Variants in SLC44A2 observed in about 807,000 individuals in gnomAD.
SLC44A2 encodes choline transporter-like protein 2.
In SLC44A2, 57 loss-of-function variants were observed where a neutral mutation model predicts 90.8. The ratio of observed to expected loss-of-function variants is 0.63; its 90% CI spans 0.51 to 0.78. The LOEUF (loss-of-function observed/expected upper bound fraction) is 0.78. Among genes scored for constraint, SLC44A2 ranks in the 30% least tolerant of loss-of-function variants. The pLI is 0.00. For missense variants in SLC44A2, 794 were observed against 919.7 expected (o/e 0.86, Z 1.77); for synonymous variants, 355 against 360.7 (o/e 0.98, Z 0.18).
chr19:10,640,586 C>T (rs936538247), intron 20 of SLC44A2, among the ~76,000 whole-genome samples: 3 of 152,080 alleles, frequency 2.0e-5, no homozygotes, highest in African/African-American at 7.2e-5. Context: ...GCCACCACGC[C>T]CAGCCAGGTC....
chr19:10,610,956 C>G (rs1003320784), intron 1 of SLC44A2, among the ~76,000 whole-genome samples: 1 of 151,500 alleles, frequency 6.6e-6, no homozygotes, highest in Admixed American at 6.6e-5. Context: ...TTTCTTTTGC[C>G]ATTTCCCAAT....
chr19:10,631,630 C>T lies in SLC44A2; in HGVS notation c.507C>T (p.Ala169=), dbSNP rs1205629077. The change falls in exon 8 of 22, where the codon GCC becomes GCT. Residue 169 remains alanine, a synonymous_variant. Transcript: ENST00000335757. ...GCCATCCTCTGCTCCATGCAGTGGC[C>T]CGGAGATGCTTCCCCGCTATCCACG... The part of the protein sequence containing the change: ...PAVLIPSKPL[A]RRCFPAIHAY... 1 of 1,613,866 alleles carries T rather than the reference C, an allele frequency of 6.2e-7. No individual in the cohort carries two copies. Among genetic ancestry groups the T allele is most frequent in the East Asian group, 2.2e-5 (1 of 44,872 alleles).
In SLC44A2 at chr19:10,631,902, G is replaced by A. The variant is rs766553222; in HGVS notation, c.661G>A (p.Ala221Thr). 8 of 1,614,092 alleles carry A rather than the reference G, an allele frequency of 5.0e-6. No individual in the cohort carries two copies. The highest frequency in any genetic ancestry group is 2.2e-5 in the East Asian group (1 of 44,894). Residue 221 changes from alanine to threonine, a missense_variant, in exon 9 of 22, where the codon GCC (alanine) becomes ACC (threonine). Physicochemically the swap from Ala to Thr is moderately conservative, Grantham distance 58. Coordinates refer to ENST00000335757, the MANE Select transcript of SLC44A2 (RefSeq NM_020428.4). ...ANGVLEARQL[A>T]MRIFEDYTVS... ...TGGAGTCCTAGAGGCGCGGCAACTC[G>A]CCATGCGCATATTTGAAGATTACAC... is the stretch of plus-strand genomic sequence containing the variant.
chr19:10,628,902 A>G (rs549224699), intron 4 of SLC44A2, among the ~76,000 whole-genome samples: 1 of 152,184 alleles, frequency 6.6e-6, no homozygotes, highest in South Asian at 2.1e-4. Flanking sequence ...AGATGTGCCA[A>G]TACATGTACA....
At chr19:10,610,202 GAA>G (rs1006333734) in intron 1 of SLC44A2, among the ~76,000 whole-genome samples, 1 of 148,306 alleles carries the variant, frequency 6.7e-6, no homozygotes, top group Non-Finnish European at 1.5e-5. Flanking sequence ...TGTGAAAAAA[GAA>G]AAAAAAATAT....
In SLC44A2 at chr19:10,627,703, C is replaced by T; in HGVS notation, c.87-19C>T. The T allele has an allele frequency of 6.2e-7, 1 of 1,612,394 alleles. No homozygotes were observed. Among genetic ancestry groups the T allele is most frequent in the Non-Finnish European group, 8.5e-7 (1 of 1,179,760 alleles). ...CACAGCACCAAGCCTCCTCCAAACA[C>T]TGCCCCTCTGCTCCCCAGGGGCTGC... On this transcript the variant is annotated intron_variant, in intron 2 of 21. Coordinates refer to ENST00000335757, the MANE Select transcript of SLC44A2 (RefSeq NM_020428.4).
At chr19:10,614,018 T>A (rs1203421646) in intron 1 of SLC44A2, among the ~76,000 whole-genome samples, 1 of 152,014 alleles carries the variant, frequency 6.6e-6, no homozygotes, top group African/African-American at 2.4e-5. Flanking sequence ...CAGGCTGGAG[T>A]GCAGTGATGC....
intron 20 of SLC44A2, among the ~76,000 whole-genome samples, chr19:10,641,617 C>T (rs1295018406): frequency 6.6e-6 from 1 of 152,066 alleles, no homozygotes; most frequent in African/African-American, 2.4e-5. Context: ...CTTGGGGAGG[C>T]CAAGGTGGGC....
At chr19:10,623,098 G>A (rs895986321), upstream of SLC44A2, among the ~76,000 whole-genome samples, 4 of 152,064 alleles carry the variant, frequency 2.6e-5, no homozygotes, top group East Asian at 3.9e-4. Context: ...GTTGGGAAGA[G>A]AAGAGGCCTG....
In SLC44A2 at chr19:10,644,015, G is replaced by A. The variant is rs2067144493; in HGVS notation, c.*630G>A. On this transcript the variant is annotated 3_prime_UTR_variant, in exon 22 of 22. Transcript: ENST00000335757. The stretch of plus-strand genomic sequence containing the variant: ...GGTGGGAGTGTGTGTGCCCAGGTGG[G>A]GGTGTCTCCTGGCTGGGAAGGAGGG... The A allele has an allele frequency of 6.5e-6, 1 of 152,708 alleles. No homozygotes were observed. The allele number at this position is 152,708 out of a possible 1,614,324, so 9.5% of individuals were successfully genotyped here. A position where few individuals can be genotyped will look rare whatever the true frequency, so the allele number is the denominator to read the frequency against.
chr19:10,621,321 C>T (rs1255317387), upstream of SLC44A2, among the ~76,000 whole-genome samples: 2 of 149,900 alleles, frequency 1.3e-5, no homozygotes, highest in Admixed American at 6.7e-5. Context: ...CACTGCACTC[C>T]AGCCTGGGCG....
rs779072477 is a variant in SLC44A2, at chr19:10,627,746, T to C, written c.111T>C (p.Cys37=). The C allele has an allele frequency of 4.3e-6, 7 of 1,613,738 alleles. No homozygotes were observed. The highest frequency in any genetic ancestry group is 5.9e-6 in the Non-Finnish European group (7 of 1,179,988). Residue 37 remains cysteine (C), a synonymous_variant, in exon 3 of 22, where the codon TGT becomes TGC. Transcript: ENST00000335757. The stretch of plus-strand genomic sequence containing the variant: ...GGGGCTGCACGGATATCATATGCTG[T>C]GTGTTCCTGCTCCTGGCCATTGTGG... ...YNRGCTDIIC[C]VFLLLAIVGY... is the part of the protein sequence containing the mutation.
rs2067063235 is a variant in SLC44A2 at position 10,636,908 on chromosome 19, GT to G, written c.1591+153del. On this transcript the variant is annotated intron_variant, in intron 16 of 21. Coordinates refer to ENST00000335757, the MANE Select transcript of SLC44A2 (RefSeq NM_020428.4). ...GACGGGGTGGAGTTCAGGAGTTGGC[GT>G]GATTGAGTCCTGCGATGGAGGAGCA... 6.3e-6 allele frequency: 5 copies of G among 794,522 alleles called. No homozygotes were observed. The East Asian group carries it at 1.4e-4, about 22-fold the overall frequency. The allele number at this position is 794,522 out of a possible 1,614,324, so 49.2% of individuals were successfully genotyped here. A position where few individuals can be genotyped will look rare whatever the true frequency, so the allele number is the denominator to read the frequency against.
rs145954566 is a variant in SLC44A2, at chr19:10,627,739, T to C, written c.104T>C (p.Ile35Thr). 1.0e-4 allele frequency: 162 copies of C among 1,613,576 alleles called. No homozygotes were observed. The East Asian group carries it at 1.2e-3, about 12-fold the overall frequency. ...CTCCCCAGGGGCTGCACGGATATCATATGCTGTGTGTTCCTGCTCCTGGCC... is the reference window on the plus strand; with the variant it reads ...CTCCCCAGGGGCTGCACGGATATCACATGCTGTGTGTTCCTGCTCCTGGCC... Reference protein sequence around the residue: ...PIYNRGCTDIICCVFLLLAIV... With the variant: ...PIYNRGCTDITCCVFLLLAIV... The change falls in exon 3 of 22, where the codon ATA becomes ACA. Residue 35 changes from isoleucine (I) to threonine (T), a missense_variant. Ile to Thr is a moderately conservative substitution (Grantham distance 89). Around this residue, in one of 3 missense-constraint regions of SLC44A2, gnomAD observed 738 missense variants for 841.1 expected, o/e 0.88. Transcript: ENST00000335757.
At chr19:10,610,671 C>T (rs1167212994) in intron 1 of SLC44A2, among the ~76,000 whole-genome samples, 2 of 83,248 alleles carry the variant, frequency 2.4e-5, no homozygotes, top group Non-Finnish European at 4.3e-5. Context: ...TGGAGTTTCA[C>T]TCTTGTTGCC....
chr19:10,636,848 C>T, intron 16 of SLC44A2, 92 bp downstream of exon 16: 1 of 1,312,026 alleles, frequency 7.6e-7, no homozygotes, highest in Non-Finnish European at 1.1e-6. Flanking sequence ...GTGGGCGGGG[C>T]CAAGATAATA....
At chr19:10,615,222 G>A (rs56202490) in intron 1 of SLC44A2, among the ~76,000 whole-genome samples, 10,598 of 151,292 alleles carry the variant, frequency 0.07, 416 homozygotes, top group Middle Eastern at 0.12. Flanking sequence ...TTTGAGGTCA[G>A]GACTTCAAGA....
intron 20 of SLC44A2, among the ~76,000 whole-genome samples, chr19:10,641,940 A>G (rs1817349850): frequency 6.6e-6 from 1 of 152,016 alleles, no homozygotes; most frequent in Admixed American, 6.6e-5. Context: ...CAGGTGGATC[A>G]CCTGAAGTCA....
At position 10,635,005 on chromosome 19, in the gene SLC44A2, C is replaced by T; in HGVS notation, c.987C>T (p.Ile329=). The stretch of plus-strand genomic sequence containing the variant: ...TTCTGAGTATCCTTGAAGTCATTAT[C>T]ATCTTGCTGCTCATCTTTCTCCGGA... ...MIILSILEVI[I]ILLLIFLRKR... Residue 329 remains isoleucine, a synonymous_variant, in exon 12 of 22, where the codon ATC becomes ATT. Transcript: ENST00000335757. 2.5e-6 allele frequency: 4 copies of T among 1,614,170 alleles called. No individual in the cohort carries two copies. The highest frequency in any genetic ancestry group is 3.4e-6 in the Non-Finnish European group (4 of 1,180,044).
Sources: gnomAD v4.1 joint callset for allele counts (sites outside exome capture counted in the v4.1 genomes callset) on GRCh38, gnomAD v4.1.1 for gene constraint, gnomAD v4.1.1 regional missense constraint, MANE v1.5 for transcripts, NCBI Gene and HGNC (gene_info 2026-07-23, HGNC 2026-07-21) for gene names.